Variants in HPSE2 observed in about 807,000 individuals in gnomAD.
HPSE2 encodes heparanase 2 (inactive).
In HPSE2, 38 loss-of-function variants were observed where a neutral mutation model predicts 60.5. That is an observed-to-expected ratio of 0.63 (90% CI 0.48 to 0.82). The LOEUF is 0.82. HPSE2 is among the 40% of genes least tolerant of loss of function. The pLI, the probability that HPSE2 is intolerant of heterozygous loss-of-function variation, is 0.00. For synonymous variants in HPSE2, 295 were observed against 293.2 expected, an observed-to-expected ratio of 1.01 and a Z score of -0.06; for missense variants, 713 against 740.4, an observed-to-expected ratio of 0.96 and a Z score of 0.43.
intron 3 of HPSE2, among the ~76,000 whole-genome samples, chr10:99,027,738 T>C (rs901500401): frequency 3.4e-5 from 5 of 146,826 alleles, no homozygotes; most frequent in African/African-American, 1.0e-4. Context: ...CTCTGATGAA[T>C]ACTGATGCAA....
At chr10:98,812,736 C>T (rs913235324) in intron 3 of HPSE2, among the ~76,000 whole-genome samples, 3 of 152,170 alleles carry the variant, frequency 2.0e-5, no homozygotes, top group Non-Finnish European at 4.4e-5. Flanking sequence ...TGAAACAGCA[C>T]TTTCATATGA....
chr10:99,047,196 A>G (rs1371708419), intron 3 of HPSE2, among the ~76,000 whole-genome samples: 1 of 152,210 alleles, frequency 6.6e-6, no homozygotes, highest in Non-Finnish European at 1.5e-5. Context: ...ATCTTTGACA[A>G]GGCTGACAAA....
intron 3 of HPSE2, among the ~76,000 whole-genome samples, chr10:98,831,863 G>A (rs555504220): frequency 1.3e-5 from 2 of 152,242 alleles, no homozygotes; most frequent in Non-Finnish European, 2.9e-5. Context: ...GATCTTTATA[G>A]CTAAATAAAT....
chr10:98,835,324 A>C (rs1452340742), intron 3 of HPSE2, among the ~76,000 whole-genome samples: 1 of 152,240 alleles, frequency 6.6e-6, no homozygotes, highest in East Asian at 1.9e-4. Context: ...AAAAGGATAG[A>C]AAAATAGCTT....
At chr10:98,866,508 A>G (rs998373686) in intron 3 of HPSE2, among the ~76,000 whole-genome samples, 1 of 152,106 alleles carries the variant, frequency 6.6e-6, no homozygotes, top group Non-Finnish European at 1.5e-5. Flanking sequence ...ACACAAATTC[A>G]AAGAGCTCAA....
intron 9 of HPSE2, among the ~76,000 whole-genome samples, chr10:98,561,857 CA>C (rs1564969634): frequency 6.6e-6 from 1 of 151,554 alleles, no homozygotes; most frequent in African/African-American, 2.4e-5. Flanking sequence ...CAAAAACAAA[CA>C]AACAAACAAA....
At position 99,132,907 on chromosome 10, in the gene HPSE2, A is replaced by G. The variant is rs1212116107; in HGVS notation, c.610+11331T>C. 2.6e-5 allele frequency among the ~76,000 whole-genome samples: 4 copies of G among 152,258 alleles called. No individual in the cohort carries two copies. In the South Asian group the frequency reaches 6.2e-4, roughly 24 times the overall value. ...AGACAGAACTGTTCACTCCCCTGGAAAGGGGTGCTGAAGCCAGGGAGCCAA... is the reference window on the plus strand; with the variant it reads ...AGACAGAACTGTTCACTCCCCTGGAGAGGGGTGCTGAAGCCAGGGAGCCAA... On this transcript the variant is annotated intron_variant, in intron 3 of 11. Coordinates refer to ENST00000370552, the MANE Select transcript of HPSE2 (RefSeq NM_021828.5).
At chr10:99,314,444 T>TA in the HPSE2 span, among the ~76,000 whole-genome samples, 1 of 152,360 alleles carries the variant, frequency 6.6e-6, no homozygotes, top group South Asian at 2.1e-4. Context: ...ATTAAAGGCA[T>TA]AAGCCACTGA....
intron 9 of HPSE2, among the ~76,000 whole-genome samples, chr10:98,594,032 A>G (rs533541735): frequency 6.6e-6 from 1 of 152,300 alleles, no homozygotes; most frequent in East Asian, 1.9e-4. Flanking sequence ...GACAAATAAA[A>G]ATTATACATA....
intron 3 of HPSE2, among the ~76,000 whole-genome samples, chr10:99,054,852 A>G (rs377112162): frequency 6.6e-5 from 10 of 152,264 alleles, no homozygotes; most frequent in East Asian, 3.9e-4. Context: ...CTGGGATTAC[A>G]GGCACCCAGC....
At chr10:98,658,914 T>C (rs1384661211) in intron 6 of HPSE2, among the ~76,000 whole-genome samples, 4 of 83,518 alleles carry the variant, frequency 4.8e-5, no homozygotes, top group Admixed American at 1.6e-4. Context: ...CTGGCAGAGT[T>C]TTTTTTTTTT....
At chr10:98,479,099 C>T (rs549333633) in intron 11 of HPSE2, among the ~76,000 whole-genome samples, 59 of 152,276 alleles carry the variant, frequency 3.9e-4, no homozygotes, top group African/African-American at 1.3e-3. Flanking sequence ...TTCCCAGGCC[C>T]AGTGGCAATT....
intron 3 of HPSE2, among the ~76,000 whole-genome samples, chr10:99,015,700 G>A (rs1368053889): frequency 6.6e-6 from 1 of 152,096 alleles, no homozygotes; most frequent in Non-Finnish European, 1.5e-5. Flanking sequence ...GATAGCATTA[G>A]GAGATATACC....
At chr10:98,760,378 C>T (rs1035376028) in intron 3 of HPSE2, among the ~76,000 whole-genome samples, 1 of 151,954 alleles carries the variant, frequency 6.6e-6, no homozygotes, top group Non-Finnish European at 1.5e-5. Context: ...TGTCTTGTTA[C>T]TAATCTTAGA....
At chr10:98,496,324 C>T (rs1360075326) in intron 9 of HPSE2, among the ~76,000 whole-genome samples, 3 of 152,110 alleles carry the variant, frequency 2.0e-5, no homozygotes, top group African/African-American at 7.2e-5. Flanking sequence ...CTTTTAAATC[C>T]CCTACAGTCA....
chr10:98,642,640 C>T (rs781363210), intron 6 of HPSE2, among the ~76,000 whole-genome samples: 102 of 152,290 alleles, frequency 6.7e-4, no homozygotes, highest in African/African-American at 1.2e-3. Context: ...AAGTTGTTGA[C>T]ACTATGTTGT....
At chr10:98,863,848 G>C (rs1385189010) in intron 3 of HPSE2, among the ~76,000 whole-genome samples, 2 of 152,082 alleles carry the variant, frequency 1.3e-5, no homozygotes, top group African/African-American at 2.4e-5. Context: ...AAAATGAAGA[G>C]AGCTGCTGTG....
Position 98,641,586 on chromosome 10 carries a change from C to CA in HPSE2, c.1098+260dup, listed in dbSNP as rs890966524. On this transcript the variant is annotated intron_variant, in intron 7 of 11. Transcript: ENST00000370552. ...TGGGCAACAAAGCAAGCCTCCATCT[C>CA]AAAAAAAAATTAATTAAAAAAAAAA... Among the ~76,000 whole-genome samples the CA allele has an allele frequency of 1.7e-4, 26 of 149,152 alleles. 1 individual carries two copies. The highest frequency in any genetic ancestry group is 1.4e-3 in the East Asian group (7 of 4,966).
chr10:98,511,454 G>A (rs1054825902), intron 9 of HPSE2, among the ~76,000 whole-genome samples: 1 of 151,884 alleles, frequency 6.6e-6, no homozygotes, highest in African/African-American at 2.4e-5. Flanking sequence ...CCAGCCATGT[G>A]TTGCTGTTTC....
Sources: gnomAD v4.1 joint callset for allele counts (sites outside exome capture counted in the v4.1 genomes callset) on GRCh38, gnomAD v4.1.1 for gene constraint, MANE v1.5 for transcripts, NCBI Gene and HGNC (gene_info 2026-07-23, HGNC 2026-07-21) for gene names.